The following WDHD1 variants were observed in gnomAD, a reference collection of about 807,000 sequenced individuals.
WDHD1 encodes WD repeat and HMG-box DNA binding protein 1.
Under a neutral mutation model 135.4 loss-of-function variants are expected in WDHD1, and 111 were observed. That is an observed-to-expected ratio of 0.82 (90% CI 0.70 to 0.96). The LOEUF (loss-of-function observed/expected upper bound fraction) is 0.96. Among genes scored for constraint, WDHD1 ranks in the 40% least tolerant of loss-of-function variants. The pLI, the probability that WDHD1 is intolerant of heterozygous loss-of-function variation, is 0.00. For missense variants in WDHD1, 1,351 were observed against 1,336.3 expected (o/e 1.01, Z -0.17); for synonymous variants, 434 against 439.0 (o/e 0.99, Z 0.14).
chr14:54,959,405 G>A lies in WDHD1; in HGVS notation c.2702-1770C>T, dbSNP rs370142582. On this transcript the variant is annotated intron_variant, in intron 21 of 25. Coordinates refer to ENST00000360586, the MANE Select transcript of WDHD1 (RefSeq NM_007086.4). ...AGTCACACCCTGGCGGGGGGAAGAG[G>A]AGGGAGGGAGGGAGGGAAGAAGGAA... Among the ~76,000 whole-genome samples, 87 of 142,994 alleles carry A rather than the reference G, an allele frequency of 6.1e-4. 3 individuals are homozygous for A. In the East Asian group the frequency reaches 0.017, roughly 28 times the overall value. The allele number at this position is 142,994 out of a possible 152,430, so 93.8% of individuals were successfully genotyped here.
chr14:54,953,514 A>G (rs2041098350), intron 24 of WDHD1, among the ~76,000 whole-genome samples: 1 of 152,182 alleles, frequency 6.6e-6, no homozygotes, highest in Non-Finnish European at 1.5e-5. Context: ...ACACTTTTAC[A>G]CTGTTGGTGG....
At chr14:54,997,089 CTTTTT>C (rs71131246) in intron 10 of WDHD1, among the ~76,000 whole-genome samples, 2 of 41,200 alleles carry the variant, frequency 4.9e-5, no homozygotes, top group Non-Finnish European at 9.4e-5. Flanking sequence ...AGCGCCCAGC[CTTTTT>C]TTTTTTTTTT....
At chr14:54,945,026 T>C (rs17253619) in intron 24 of WDHD1, among the ~76,000 whole-genome samples, 11,990 of 152,274 alleles carry the variant, frequency 0.079, 631 homozygotes, top group South Asian at 0.15. Flanking sequence ...CCATGAACTC[T>C]GTACTTTCAA....
chr14:55,023,698 C>A (rs2042386446), intron 2 of WDHD1, among the ~76,000 whole-genome samples: 1 of 152,186 alleles, frequency 6.6e-6, no homozygotes, highest in East Asian at 1.9e-4. Flanking sequence ...TCATGAGCAT[C>A]ATACAGTGTT....
rs753316910 is a variant in WDHD1, at chr14:54,941,576, CT to C, written c.3303del (p.Glu1102ArgfsTer3). 6.2e-7 allele frequency: 1 copy of C among 1,613,892 alleles called. No homozygotes were observed. The highest frequency in any genetic ancestry group is 1.3e-5 in the African/African-American group (1 of 75,030). On this transcript the variant is annotated frameshift_variant, in exon 26 of 26. Coordinates refer to ENST00000360586, the MANE Select transcript of WDHD1 (RefSeq NM_007086.4). LOFTEE classifies it high-confidence loss of function. ...TGCTTTTTAGACAAATTCAGGTTCT[CT>C]TTTGCTTTTTCTTCCTGGTTTTCTG... ...DETENQEEKA[K>X]ENLNLSKKQK...
At position 54,944,315 on chromosome 14, in the gene WDHD1, G is replaced by A. The variant is rs767274013; in HGVS notation, c.3189+17C>T. 2.3e-5 allele frequency: 37 copies of A among 1,595,248 alleles called. No homozygotes were observed. In the East Asian group the frequency reaches 3.4e-4, roughly 15 times the overall value. On this transcript the variant is annotated intron_variant, in intron 25 of 25. Transcript: ENST00000360586. Reference sequence around the variant, plus strand: ...GGGAATTCACTAAGATCTCAATCTCGGCACAATTATCCTTACCTTTCTTTC... The same window carrying A: ...GGGAATTCACTAAGATCTCAATCTCAGCACAATTATCCTTACCTTTCTTTC...
intron 24 of WDHD1, 102 bp from the exon 25 acceptor site, chr14:54,944,572 A>G: frequency 9.2e-7 from 1 of 1,081,170 alleles, no homozygotes; most frequent in Non-Finnish European, 1.3e-6. Context: ...GACATCTATT[A>G]TATAAAGTAA....
chr14:54,974,767 C>T (rs2041497433), intron 16 of WDHD1, among the ~76,000 whole-genome samples: 1 of 152,148 alleles, frequency 6.6e-6, no homozygotes, highest in African/African-American at 2.4e-5. Context: ...GAGGAGGTTG[C>T]AGTGAGATGA....
At chr14:54,947,926 A>AT (rs1308800708) in intron 24 of WDHD1, among the ~76,000 whole-genome samples, 1 of 151,678 alleles carries the variant, frequency 6.6e-6, no homozygotes, top group Non-Finnish European at 1.5e-5. Context: ...CGGATATATT[A>AT]AAAATAAGGC....
At chr14:54,976,861 G>A (rs150125538) in intron 16 of WDHD1, among the ~76,000 whole-genome samples, 1 of 151,988 alleles carries the variant, frequency 6.6e-6, no homozygotes, top group Admixed American at 6.6e-5. Context: ...TATGAAAACA[G>A]TCTGCAGTTA....
intron 4 of WDHD1, among the ~76,000 whole-genome samples, chr14:55,009,805 G>A (rs2042135822): frequency 6.6e-6 from 1 of 152,032 alleles, no homozygotes; most frequent in Non-Finnish European, 1.5e-5. Context: ...CCCATCTGCA[G>A]AGCAGTATAT....
intron 16 of WDHD1, 151 bp downstream of exon 16, chr14:54,981,389 G>C (rs557676833): frequency 3.5e-5 from 24 of 686,796 alleles, no homozygotes; most frequent in Non-Finnish European, 4.7e-5. Context: ...GAAAACTTCA[G>C]AGTGAATATG....
chr14:54,962,086 C>T (rs1185666724), intron 21 of WDHD1, among the ~76,000 whole-genome samples: 7 of 152,190 alleles, frequency 4.6e-5, no homozygotes, highest in South Asian at 4.1e-4. Flanking sequence ...CCGCCCACTC[C>T]GGCCTCCCAA....
intron 13 of WDHD1, among the ~76,000 whole-genome samples, chr14:54,988,806 T>A (rs1235617126): frequency 6.6e-6 from 1 of 151,882 alleles, no homozygotes; most frequent in South Asian, 2.1e-4. Flanking sequence ...CTATGCCATG[T>A]CATTTTGCTA....
chr14:54,962,451 G>T, intron 21 of WDHD1, 47 bp downstream of exon 21: 3 of 1,435,444 alleles, frequency 2.1e-6, no homozygotes, highest in South Asian at 2.3e-5. Flanking sequence ...CTTTGCAGAT[G>T]ACTTGCAAAA....
chr14:55,019,823 C>G lies in WDHD1; in HGVS notation c.78-6227G>C, dbSNP rs901359245. On this transcript the variant is annotated intron_variant, in intron 2 of 25. Coordinates refer to ENST00000360586, the MANE Select transcript of WDHD1 (RefSeq NM_007086.4). ...GGCAGAGGTTACAGTGAGCCGAGAT[C>G]GTGCCACTGCACTCCAGCCTGGGCG... is the stretch of plus-strand genomic sequence containing the variant. Among the ~76,000 whole-genome samples, 4 of 152,142 alleles carry G rather than the reference C, an allele frequency of 2.6e-5. No homozygotes were observed. In the East Asian group the frequency reaches 7.7e-4, roughly 29 times the overall value.
chr14:54,940,191 C>T lies in WDHD1; in HGVS notation c.*1299G>A, dbSNP rs1321618862. The T allele has an allele frequency of 6.6e-6, 1 of 152,142 alleles. No homozygotes were observed. Among genetic ancestry groups the T allele is most frequent in the Non-Finnish European group, 1.5e-5 (1 of 68,026 alleles). The allele number at this position is 152,142 out of a possible 1,614,324, so 9.4% of individuals were successfully genotyped here. A position where few individuals can be genotyped will look rare whatever the true frequency, so the allele number is the denominator to read the frequency against. ...AGGTACTATCATTATATCCATTTTA[C>T]AGATGAGTGAATGAAGGCTAGAATT... On this transcript the variant is annotated 3_prime_UTR_variant, in exon 26 of 26. Coordinates refer to ENST00000360586, the MANE Select transcript of WDHD1 (RefSeq NM_007086.4).
intron 3 of WDHD1, among the ~76,000 whole-genome samples, chr14:55,011,965 A>G (rs1352695385): frequency 6.6e-6 from 1 of 152,052 alleles, no homozygotes; most frequent in Non-Finnish European, 1.5e-5. Flanking sequence ...GACTGTGTAC[A>G]TTCTAATTTT....
At chr14:54,958,963 T>G (rs758112213) in intron 21 of WDHD1, among the ~76,000 whole-genome samples, 2 of 152,238 alleles carry the variant, frequency 1.3e-5, no homozygotes, top group Non-Finnish European at 2.9e-5. Context: ...CTACTCACCT[T>G]ACAGTAATTC....
Sources: allele counts gnomAD v4.1 joint callset (sites outside exome capture counted in the v4.1 genomes callset), GRCh38; gene constraint gnomAD v4.1.1; transcripts MANE v1.5; gene names NCBI Gene and HGNC (gene_info 2026-07-23, HGNC 2026-07-21).